Variants in MTMR8 observed in about 807,000 individuals in gnomAD.
MTMR8 encodes phosphatidylinositol-3,5-bisphosphate 3-phosphatase MTMR8.
A neutral mutation model predicts 39.3 loss-of-function variants in MTMR8; 65 were observed. The ratio of observed to expected loss-of-function variants is 1.65; its 90% CI spans 1.35 to 2.03. The LOEUF is 2.03. Ranked by LOEUF, MTMR8 falls within the 30% of genes most tolerant of loss-of-function variation. The probability of loss-of-function intolerance (pLI) is 0.00; values close to 1 mark genes in which losing one functional copy is unlikely to be tolerated. For synonymous variants in MTMR8, 245 were observed against 185.2 expected (o/e 1.32, Z -2.62); for missense variants, 777 against 538.9 (o/e 1.44, Z -4.37).
chrX:64,387,336 C>T (rs938548898), intron 1 of MTMR8, among the ~76,000 whole-genome samples: 5 of 111,446 alleles, frequency 4.5e-5, no homozygotes, highest in East Asian at 2.8e-4. Context: ...GAAGAAATTC[C>T]TGCTAAGGCC....
chrX:64,298,591 C>A (rs1276302754), intron 12 of MTMR8, among the ~76,000 whole-genome samples: 4 of 92,533 alleles, frequency 4.3e-5, no homozygotes, highest in Non-Finnish European at 7.7e-5. Flanking sequence ...GTCTAATTGC[C>A]CTGGCCAGAA....
intron 12 of MTMR8, among the ~76,000 whole-genome samples, chrX:64,315,266 A>G (rs1028925879): frequency 9.0e-6 from 1 of 111,544 alleles, no homozygotes; most frequent in Non-Finnish European, 1.9e-5. Flanking sequence ...AGTTCAACTC[A>G]CCCATTCCCC....
chrX:64,297,296 C>T (rs1347511231), intron 12 of MTMR8, among the ~76,000 whole-genome samples: 5 of 109,418 alleles, frequency 4.6e-5, no homozygotes, highest in African/African-American at 1.7e-4. Flanking sequence ...GATAGTATCT[C>T]ATAGTGGTTT....
At chrX:64,379,723 G>C (rs754165118) in intron 1 of MTMR8, among the ~76,000 whole-genome samples, 1 of 111,684 alleles carries the variant, frequency 9.0e-6, no homozygotes, top group South Asian at 3.8e-4. Context: ...CTCAAAAAAA[G>C]TCATATTCTG....
chrX:64,343,844 A>G, intron 7 of MTMR8, 124 bp from the exon 8 acceptor site: 3 of 491,418 alleles, frequency 6.1e-6, no homozygotes, highest in Non-Finnish European at 1.1e-5. Flanking sequence ...ATGATTAGTT[A>G]GAAACCACAC....
intron 12 of MTMR8, among the ~76,000 whole-genome samples, chrX:64,302,915 G>T (rs989798005): frequency 2.7e-5 from 3 of 112,277 alleles, no homozygotes; most frequent in Admixed American, 9.4e-5. Flanking sequence ...TCTCCTTCAT[G>T]AGTTCCTTAG....
At position 64,306,185 on chromosome X, in the gene MTMR8, A is replaced by T. The variant is rs1198027298; in HGVS notation, c.1481+22587T>A. The T allele has an allele frequency of 1.6e-5, 5 of 307,107 alleles. No homozygotes were observed. In the Admixed American group the frequency reaches 1.7e-4, roughly 10 times the overall value. 25.3% of individuals were successfully genotyped at this position (307,107 alleles called of 1,213,427 possible). ...ATGACATAATCTCTACATCGGGAGG[A>T]CCATCACTTATGATAGTTCTCAATG... On this transcript the variant is annotated intron_variant, in intron 12 of 13. Coordinates refer to ENST00000374852, the MANE Select transcript of MTMR8 (RefSeq NM_017677.4).
Position 64,337,260 on chromosome X carries a change from T to C in MTMR8, c.1101+8A>G, listed in dbSNP as rs1305718379. 6 of 1,202,650 alleles carry C rather than the reference T, an allele frequency of 5.0e-6. No homozygotes were observed. The highest frequency in any genetic ancestry group is 6.7e-6 in the Non-Finnish European group (6 of 891,909). On this transcript the variant is annotated splice_region_variant and intron_variant, in intron 9 of 13. Coordinates refer to ENST00000374852, the MANE Select transcript of MTMR8 (RefSeq NM_017677.4). ...CACAAAGTAAAATATAGTAGCGTGC[T>C]CTCTTACCATGAGTCCTTTGAATGT...
chrX:64,320,432 T>C (rs1296493355), intron 12 of MTMR8, among the ~76,000 whole-genome samples: 4 of 110,630 alleles, frequency 3.6e-5, no homozygotes, highest in Non-Finnish European at 5.7e-5. Flanking sequence ...CTCAGAAAAC[T>C]ATGGTTATAT....
intron 1 of MTMR8, chrX:64,360,367 A>G: frequency 3.3e-6 from 1 of 300,202 alleles, no homozygotes; most frequent in Non-Finnish European, 6.3e-6. Context: ...TACTCTTCTT[A>G]GGAACTAATA....
At chrX:64,282,251 T>C (rs1378412457) in intron 12 of MTMR8, among the ~76,000 whole-genome samples, 1 of 111,274 alleles carries the variant, frequency 9.0e-6, no homozygotes, top group Non-Finnish European at 1.9e-5. Flanking sequence ...AATAATTATA[T>C]TATAAAGATA....
At chrX:64,363,870 G>A (rs1187129121) in intron 1 of MTMR8, among the ~76,000 whole-genome samples, 4 of 111,564 alleles carry the variant, frequency 3.6e-5, no homozygotes, top group African/African-American at 6.5e-5. Context: ...CTGGAAAATC[G>A]GGACACTCCC....
At chrX:64,348,171 G>A (rs1360502420) in intron 6 of MTMR8, among the ~76,000 whole-genome samples, 1 of 110,795 alleles carries the variant, frequency 9.0e-6, no homozygotes, top group East Asian at 2.8e-4. Flanking sequence ...AAGATTTTTT[G>A]TTAATTGCAT....
chrX:64,285,135 A>G (rs1921111773), intron 12 of MTMR8, among the ~76,000 whole-genome samples: 1 of 111,535 alleles, frequency 9.0e-6, no homozygotes, highest in African/African-American at 3.3e-5. Context: ...AAGATCTACC[A>G]AGCAAATGGA....
At chrX:64,376,641 C>G (rs1002329204) in intron 1 of MTMR8, among the ~76,000 whole-genome samples, 1 of 112,260 alleles carries the variant, frequency 8.9e-6, no homozygotes, top group African/African-American at 3.2e-5. Flanking sequence ...GAAACTCTAA[C>G]TTATATTTAA....
intron 12 of MTMR8, among the ~76,000 whole-genome samples, chrX:64,319,789 C>T (rs1250827157): frequency 9.0e-6 from 1 of 111,195 alleles, no homozygotes; most frequent in Non-Finnish European, 1.9e-5. Flanking sequence ...CAGTACCATG[C>T]TGTTTTGGTT....
chrX:64,322,437 T>C (rs1169059953), intron 12 of MTMR8, among the ~76,000 whole-genome samples: 4 of 112,188 alleles, frequency 3.6e-5, no homozygotes, highest in Non-Finnish European at 7.5e-5. Context: ...TTTGGATGTA[T>C]TGTCTCCCTT....
intron 1 of MTMR8, 57 bp from the exon 2 acceptor site, chrX:64,359,584 G>A: frequency 9.0e-7 from 1 of 1,107,550 alleles, no homozygotes. Context: ...TATGATTGAA[G>A]TGGGGCCATT....
chrX:64,285,149 C>CA (rs1379043020), intron 12 of MTMR8, among the ~76,000 whole-genome samples: 11 of 110,236 alleles, frequency 1.0e-4, no homozygotes, highest in African/African-American at 3.0e-4. Context: ...AAATGGAAAA[C>CA]AAAAAAAGGC....
Sources: gnomAD v4.1 joint callset for allele counts (sites outside exome capture counted in the v4.1 genomes callset) on GRCh38, gnomAD v4.1.1 for gene constraint, MANE v1.5 for transcripts, NCBI Gene and HGNC (gene_info 2026-07-23, HGNC 2026-07-21) for gene names.